Variants in ACIN1 observed in about 807,000 individuals in gnomAD.
ACIN1 encodes the protein apoptotic chromatin condensation inducer 1.
In ACIN1, 16 loss-of-function variants were observed where a neutral mutation model predicts 146.6. That is an observed-to-expected ratio of 0.11 (90% CI 0.07 to 0.17). The LOEUF is 0.17. ACIN1 is among the 10% of genes least tolerant of loss of function. The probability of loss-of-function intolerance (pLI) is 1.00; values close to 1 mark genes in which losing one functional copy is unlikely to be tolerated. For missense variants in ACIN1, 1,357 were observed against 1,609.3 expected, an observed-to-expected ratio of 0.84 and a Z score of 2.68; for synonymous variants, 569 against 582.7, an observed-to-expected ratio of 0.98 and a Z score of 0.34.
chr14:23,060,969 C>T, intron 18 of ACIN1, 115 bp downstream of exon 18: 2 of 981,148 alleles, frequency 2.0e-6, no homozygotes, highest in Non-Finnish European at 3.2e-6. Context: ...CTTAGTTTAT[C>T]CTAAACCTAG....
intron 3 of ACIN1, 148 bp downstream of exon 3, chr14:23,090,374 A>G: frequency 2.5e-6 from 2 of 809,896 alleles, no homozygotes; most frequent in Non-Finnish European, 3.8e-6. Context: ...TAAATAGTAA[A>G]CCACTTGGCT....
chr14:23,082,181 G>A (rs2047960384), intron 4 of ACIN1, among the ~76,000 whole-genome samples: 1 of 152,086 alleles, frequency 6.6e-6, no homozygotes, highest in South Asian at 2.1e-4. Flanking sequence ...TCTACAAAGT[G>A]TTCTTACTCT....
Position 23,067,621 on chromosome 14 carries a change from G to A in ACIN1, c.2266-1613C>T. 2.0e-6 allele frequency: 2 copies of A among 985,942 alleles called. No homozygotes were observed. The highest frequency in any genetic ancestry group is 2.4e-6 in the Non-Finnish European group (2 of 829,986). The allele number at this position is 985,942 out of a possible 1,614,324, so 61.1% of individuals were successfully genotyped here. ...GGAAAGGGGCAGAGACATCAGTCCT[G>A]GCCCTGAAGGGACATCATCTTGCAG... On this transcript the variant is annotated intron_variant, in intron 9 of 18. Transcript: ENST00000605057. This position sits in a 1 kb window ranked among gnomAD's most constrained non-coding sequence, Gnocchi z 4.6.
chr14:23,071,408 A>G (rs1175452197), intron 8 of ACIN1: 4 of 1,551,282 alleles, frequency 2.6e-6, no homozygotes, highest in African/African-American at 1.4e-5. Context: ...CTTTTAAGAG[A>G]TAAGCGTTAA....
intron 8 of ACIN1, among the ~76,000 whole-genome samples, chr14:23,075,490 C>A (rs1421943080): frequency 1.3e-5 from 2 of 152,122 alleles, no homozygotes; most frequent in African/African-American, 4.8e-5. Flanking sequence ...GAAAAAGACA[C>A]CTTACCTCAT....
At chr14:23,095,229 T>C, upstream of ACIN1, 3 of 1,613,452 alleles carry the variant, frequency 1.9e-6, no homozygotes, top group Non-Finnish European at 2.5e-6. Flanking sequence ...ACCCCTCGAT[T>C]ACCACTCAGA....
At chr14:23,084,170 C>T (rs1480789920) in intron 4 of ACIN1, among the ~76,000 whole-genome samples, 3 of 152,214 alleles carry the variant, frequency 2.0e-5, no homozygotes, top group African/African-American at 4.8e-5. Flanking sequence ...TGGTCTCGAA[C>T]TCCTGACCTT....
At chr14:23,061,214 A>T in intron 17 of ACIN1, 30 bp from the exon 18 acceptor site, 2 of 1,613,790 alleles carry the variant, frequency 1.2e-6, no homozygotes, top group South Asian at 1.1e-5. Flanking sequence ...ACCAGATATG[A>T]TGCATCTGAC....
At chr14:23,064,081 G>T in intron 12 of ACIN1, 24 bp downstream of exon 12, 1 of 1,613,246 alleles carries the variant, frequency 6.2e-7, no homozygotes, top group South Asian at 1.1e-5. Flanking sequence ...CCTTTCCCCT[G>T]ACACTGGGGT....
chr14:23,061,997 GC>G (rs1177507749), intron 16 of ACIN1, among the ~76,000 whole-genome samples, 170 bp downstream of exon 16: 6 of 132,496 alleles, frequency 4.5e-5, no homozygotes, highest in Non-Finnish European at 9.6e-5. Context: ...AAAAAAAGGA[GC>G]CCAGGTACCA....
chr14:23,085,066 G>A (rs568944574), intron 4 of ACIN1, among the ~76,000 whole-genome samples: 1 of 152,266 alleles, frequency 6.6e-6, no homozygotes, highest in African/African-American at 2.4e-5. Context: ...AGTCAACGCT[G>A]GGCGCAGTGG....
In ACIN1 at chr14:23,064,249, G is replaced by A. The variant is rs2047381660; in HGVS notation, c.2451C>T (p.Ile817=). ...GCCCCGCCAGGGGTTTGATGTCGGG[G>A]ATGAGGCTCTGGGACACAGATACCC... ...SITTESLKSL[I]PDIKPLAGQE... Residue 817 remains isoleucine (I), a synonymous_variant, in exon 12 of 19, where the codon ATC becomes ATT. Coordinates refer to ENST00000605057, the MANE Select transcript of ACIN1 (RefSeq NM_001386863.1). The A allele has an allele frequency of 1.2e-6, 2 of 1,613,890 alleles. No homozygotes were observed. Among genetic ancestry groups the A allele is most frequent in the African/African-American group, 1.3e-5 (1 of 74,940 alleles).
chr14:23,069,648 G>GGGGCCCCC, intron 8 of ACIN1, 31 bp from the exon 9 acceptor site: 1 of 589,380 alleles, frequency 1.7e-6, no homozygotes, highest in Non-Finnish European at 3.2e-6. Context: ...TGGTGGGGGG[G>GGGGCCCCC]CGGGCAGAAA....
intron 4 of ACIN1, 124 bp downstream of exon 4, chr14:23,089,858 T>C (rs2048182644): frequency 7.8e-7 from 1 of 1,285,976 alleles, no homozygotes; most frequent in Non-Finnish European, 1.0e-6. Flanking sequence ...AGATGTCAAA[T>C]ATCAATGTCA....
At chr14:23,092,193 A>G (rs2048246325) in intron 2 of ACIN1, among the ~76,000 whole-genome samples, 1 of 152,086 alleles carries the variant, frequency 6.6e-6, no homozygotes, top group Non-Finnish European at 1.5e-5. Flanking sequence ...TTGCTTAGCA[A>G]GTCCTATTTA....
rs74036906 is a variant in ACIN1 at position 23,067,234 on chromosome 14, A to C, written c.2266-1226T>G. 2,885 of 853,378 alleles carry C rather than the reference A, an allele frequency of 3.4e-3. 56 individuals are homozygous for C. In the African/African-American group the frequency reaches 0.047, roughly 14 times the overall value. 52.9% of individuals were successfully genotyped at this position (853,378 alleles called of 1,614,324 possible). The stretch of plus-strand genomic sequence containing the variant: ...ATAAAGATATAGAAAAAAATAAAAT[A>C]AAATATTAAAAAAAGAAGAAGAAAA... On this transcript the variant is annotated intron_variant, in intron 9 of 18. Transcript: ENST00000605057. The surrounding 1 kb of genome is among the most constrained non-coding windows in gnomAD (Gnocchi z 4.6).
intron 12 of ACIN1, among the ~76,000 whole-genome samples, 192 bp downstream of exon 12, chr14:23,063,913 G>A (rs2047370029): frequency 6.6e-6 from 1 of 152,192 alleles, no homozygotes; most frequent in South Asian, 2.1e-4. Flanking sequence ...GTGTGGTTGT[G>A]TTCCAATCAA....
chr14:23,067,552 G>C lies in ACIN1; in HGVS notation c.2266-1544C>G. ...CGCTGCCCAGTTTCCATGATGTCAA[G>C]ACAGTTCACTGGCGGTGGCCAGGCT... On this transcript the variant is annotated intron_variant, in intron 9 of 18. Transcript: ENST00000605057. The surrounding 1 kb of genome is among the most constrained non-coding windows in gnomAD (Gnocchi z 4.6). The C allele has an allele frequency of 1.0e-6, 1 of 986,064 alleles. No individual in the cohort carries two copies. Among genetic ancestry groups the C allele is most frequent in the Non-Finnish European group, 1.2e-6 (1 of 830,208 alleles). 61.1% of individuals were successfully genotyped at this position (986,064 alleles called of 1,614,324 possible).
At chr14:23,062,838 A>G in intron 14 of ACIN1, 91 bp downstream of exon 14, 1 of 1,339,906 alleles carries the variant, frequency 7.5e-7, no homozygotes. Flanking sequence ...TTGGTAGACC[A>G]GTTCAACTAT....
Sources: gnomAD v4.1 joint callset for allele counts (sites outside exome capture counted in the v4.1 genomes callset) on GRCh38, gnomAD v4.1.1 for gene constraint, Gnocchi (gnomAD v3.1) non-coding constraint, MANE v1.5 for transcripts, NCBI Gene and HGNC (gene_info 2026-07-23, HGNC 2026-07-21) for gene names.